Variants in PDE3B observed in about 807,000 individuals in gnomAD.
PDE3B encodes the protein phosphodiesterase 3B.
In PDE3B, 66 loss-of-function variants were observed where a neutral mutation model predicts 116.8. The observed-to-expected ratio is 0.56, with a 90% confidence interval of 0.46 to 0.69. PDE3B has a LOEUF of 0.69. PDE3B is among the 30% of genes least tolerant of loss of function. The pLI, the probability that PDE3B is intolerant of heterozygous loss-of-function variation, is 0.00. For missense variants in PDE3B, 1,384 were observed against 1,368.1 expected, an observed-to-expected ratio of 1.01 and a Z score of -0.18; for synonymous variants, 595 against 533.6, an observed-to-expected ratio of 1.12 and a Z score of -1.59.
chr11:14,859,790 A>G (rs1044611908), intron 13 of PDE3B, among the ~76,000 whole-genome samples: 7 of 152,200 alleles, frequency 4.6e-5, no homozygotes, highest in African/African-American at 1.7e-4. Flanking sequence ...CCCACTATGT[A>G]CAGACATTGT....
chr11:14,681,007 A>G (rs927979893), intron 1 of PDE3B, among the ~76,000 whole-genome samples: 4 of 152,176 alleles, frequency 2.6e-5, no homozygotes, highest in African/African-American at 9.7e-5. Flanking sequence ...TAAGTTGAAA[A>G]TATTGTAAGC....
chr11:14,879,756 T>C, the PDE3B span, among the ~76,000 whole-genome samples: 1 of 152,172 alleles, frequency 6.6e-6, no homozygotes, highest in Admixed American at 6.6e-5. Flanking sequence ...GCCAGTGCTC[T>C]GGGTAGCTCT....
At chr11:14,863,009 A>G (rs1847978885) in intron 14 of PDE3B, among the ~76,000 whole-genome samples, 2 of 151,920 alleles carry the variant, frequency 1.3e-5, no homozygotes, top group Admixed American at 1.3e-4. Flanking sequence ...TACATTAGGT[A>G]TTTCTCCTAA....
chr11:14,867,342 A>T (rs530997744), intron 14 of PDE3B, among the ~76,000 whole-genome samples, 164 bp from the exon 15 acceptor site: 3 of 152,236 alleles, frequency 2.0e-5, no homozygotes, highest in Non-Finnish European at 4.4e-5. Flanking sequence ...AGGATTTCTC[A>T]ATGTTAAATT....
intron 4 of PDE3B, 124 bp downstream of exon 4, chr11:14,789,366 C>G (rs184341734): frequency 4.2e-5 from 27 of 649,764 alleles, no homozygotes; most frequent in Admixed American, 1.9e-4. Context: ...TATAGGACAA[C>G]ATGTGTAGTA....
At chr11:14,712,297 C>A (rs1855727771) in intron 1 of PDE3B, among the ~76,000 whole-genome samples, 1 of 151,876 alleles carries the variant, frequency 6.6e-6, no homozygotes, top group Non-Finnish European at 1.5e-5. Context: ...ATTGGCTAGG[C>A]TGCTCTTGAA....
intron 4 of PDE3B, among the ~76,000 whole-genome samples, chr11:14,799,145 T>C (rs1858662388): frequency 6.6e-6 from 1 of 152,236 alleles, no homozygotes; most frequent in Non-Finnish European, 1.5e-5. Flanking sequence ...TTGTTCTCAT[T>C]GGTTTCATAA....
chr11:14,662,339 A>G (rs951863031), intron 1 of PDE3B, among the ~76,000 whole-genome samples: 1 of 152,232 alleles, frequency 6.6e-6, no homozygotes, highest in Non-Finnish European at 1.5e-5. Flanking sequence ...AGAAGTAGAT[A>G]AAACCACAAA....
chr11:14,770,669 A>G (rs1171975957), intron 1 of PDE3B, among the ~76,000 whole-genome samples: 1 of 151,590 alleles, frequency 6.6e-6, no homozygotes, highest in Non-Finnish European at 1.5e-5. Flanking sequence ...GCATGCAGTT[A>G]TATCAGAGCC....
At chr11:14,768,781 T>C (rs1298267517) in intron 1 of PDE3B, among the ~76,000 whole-genome samples, 1 of 151,524 alleles carries the variant, frequency 6.6e-6, no homozygotes, top group Non-Finnish European at 1.5e-5. Flanking sequence ...TGTCTCACCA[T>C]TGTCAAATTG....
At chr11:14,734,391 A>G (rs1320299141) in intron 1 of PDE3B, among the ~76,000 whole-genome samples, 1 of 152,184 alleles carries the variant, frequency 6.6e-6, no homozygotes, top group Non-Finnish European at 1.5e-5. Context: ...GTTGATAACA[A>G]TCTTGCTGAA....
At position 14,843,903 on chromosome 11, in the gene PDE3B, T is replaced by C. The variant is rs559003277; in HGVS notation, c.2397T>C (p.Tyr799=). 6.2e-6 allele frequency: 10 copies of C among 1,614,140 alleles called. No individual in the cohort carries two copies. In the East Asian group the frequency reaches 1.1e-4, roughly 18 times the overall value. The change falls in exon 12 of 16, where the codon TAT becomes TAC. Residue 799 remains tyrosine (Y), a synonymous_variant. Transcript: ENST00000282096. ...GCTGCTCTAATCCTGATGAGAGTTA[T>C]GGCTGCCTGTCTTCAAACATTCCTG... is the stretch of plus-strand genomic sequence containing the variant. ...SKSCSNPDES[Y]GCLSSNIPAL...
At chr11:14,834,873 A>G (rs1389975680) in intron 10 of PDE3B, 109 bp from the exon 11 acceptor site, 2 of 518,182 alleles carry the variant, frequency 3.9e-6, no homozygotes, top group East Asian at 6.1e-5. Context: ...AATTGTGGGG[A>G]ATTAGTCTGT....
chr11:14,885,889 G>T, the PDE3B span: 1 of 1,613,500 alleles, frequency 6.2e-7, no homozygotes, highest in Non-Finnish European at 8.5e-7. Context: ...AACCACAGTT[G>T]ATATGCCTCC....
chr11:14,682,410 A>G (rs570678363), intron 1 of PDE3B, among the ~76,000 whole-genome samples: 1 of 152,134 alleles, frequency 6.6e-6, no homozygotes, highest in Non-Finnish European at 1.5e-5. Context: ...GTGATATTAT[A>G]TTTTTTCCTT....
At chr11:14,675,066 G>A (rs1854490622) in intron 1 of PDE3B, among the ~76,000 whole-genome samples, 1 of 152,130 alleles carries the variant, frequency 6.6e-6, no homozygotes, top group Non-Finnish European at 1.5e-5. Flanking sequence ...ATTACTTATT[G>A]CTTTTAATGT....
At chr11:14,721,835 T>C (rs1287167392) in intron 1 of PDE3B, among the ~76,000 whole-genome samples, 6 of 118,968 alleles carry the variant, frequency 5.0e-5, no homozygotes, top group Admixed American at 8.7e-5. Context: ...AGATGACGAG[T>C]TAGTGGGTGC....
Position 14,644,186 on chromosome 11 carries a change from C to T in PDE3B, c.111C>T (p.Ser37=). ...ACGGCTACGTGAAGAGCTGCGTGAG[C>T]CCCTTGCGGCAGGACCCTCCGCGCG... ...LRNGYVKSCV[S]PLRQDPPRGF... Residue 37 remains serine (S), a synonymous_variant, in exon 1 of 16, where the codon AGC becomes AGT. Transcript: ENST00000282096. 2 of 1,597,372 alleles carry T rather than the reference C, an allele frequency of 1.3e-6. No homozygotes were observed. Among genetic ancestry groups the T allele is most frequent in the Non-Finnish European group, 8.5e-7 (1 of 1,177,872 alleles).
intron 1 of PDE3B, among the ~76,000 whole-genome samples, chr11:14,739,110 T>G (rs1369450613): frequency 6.6e-6 from 1 of 152,210 alleles, no homozygotes; most frequent in African/African-American, 2.4e-5. Context: ...TCATGTGAAA[T>G]TTAAAGTAGT....
Sources: gnomAD v4.1 joint callset for allele counts (sites outside exome capture counted in the v4.1 genomes callset) on GRCh38, gnomAD v4.1.1 for gene constraint, MANE v1.5 for transcripts, NCBI Gene and HGNC (gene_info 2026-07-23, HGNC 2026-07-21) for gene names.